The following CCDC171 variants were observed in gnomAD, a reference collection of about 807,000 sequenced individuals.
CCDC171 encodes coiled-coil domain containing 171.
Under a neutral mutation model 168.2 loss-of-function variants are expected in CCDC171, and 177 were observed. The ratio of observed to expected loss-of-function variants is 1.05; its 90% CI spans 0.93 to 1.19. The LOEUF (loss-of-function observed/expected upper bound fraction) is 1.19, where lower values mean the gene tolerates loss of function less well. CCDC171 is among the 50% of genes most tolerant of loss of function. The probability of loss-of-function intolerance (pLI) is 0.00; values close to 1 mark genes in which losing one functional copy is unlikely to be tolerated. For synonymous variants in CCDC171, 687 were observed against 540.8 expected, an observed-to-expected ratio of 1.27 and a Z score of -3.75; for missense variants, 1,991 against 1,539.0, an observed-to-expected ratio of 1.29 and a Z score of -4.91.
chr9:15,848,432 G>T (rs1416419047), intron 22 of CCDC171, among the ~76,000 whole-genome samples: 5 of 151,778 alleles, frequency 3.3e-5, no homozygotes, highest in Non-Finnish European at 7.4e-5. Context: ...AGCATAAAAA[G>T]AATGTGTGGA....
rs756042159 is a variant in CCDC171, at chr9:15,725,000, G to T, written c.1692+24G>T. The T allele has an allele frequency of 3.2e-6, 5 of 1,543,846 alleles. No individual in the cohort carries two copies. In the Admixed American group the frequency reaches 5.0e-5, roughly 16 times the overall value. On this transcript the variant is annotated intron_variant, in intron 14 of 25. Transcript: ENST00000380701. ...AGGTATTACCTGAGACTCAATGACT[G>T]TCAGGAAGGGCCTTTCACTAATCTC...
chr9:16,070,296 G>A, the CCDC171 span, among the ~76,000 whole-genome samples: 1 of 152,192 alleles, frequency 6.6e-6, no homozygotes, highest in East Asian at 1.9e-4. Context: ...TACTGGTCCT[G>A]CCTCGGCAAA....
At chr9:15,637,731 G>C (rs987882257) in intron 7 of CCDC171, among the ~76,000 whole-genome samples, 2 of 149,764 alleles carry the variant, frequency 1.3e-5, no homozygotes, top group African/African-American at 2.5e-5. Flanking sequence ...TTGGTTTTCT[G>C]TCCTTGCGAT....
At chr9:15,915,448 T>C (rs182338051) in intron 24 of CCDC171, among the ~76,000 whole-genome samples, 2 of 152,278 alleles carry the variant, frequency 1.3e-5, no homozygotes, top group Non-Finnish European at 2.9e-5. Context: ...GAAATGCTGC[T>C]GATTTGTGTA....
rs996856808 is a variant in CCDC171, at chr9:15,868,826, A to G, written c.3469-5706A>G. 5.3e-5 allele frequency among the ~76,000 whole-genome samples: 8 copies of G among 152,084 alleles called. No individual in the cohort carries two copies. The East Asian group carries it at 1.6e-3, about 30-fold the overall frequency. On this transcript the variant is annotated intron_variant, in intron 23 of 25. Transcript: ENST00000380701. ...TTTCACAAGGTGGGTAACAGAATCA[A>G]GTGACGTAGTATGGAGAGTACGGTT...
At chr9:15,636,645 A>T (rs1015941496) in intron 7 of CCDC171, among the ~76,000 whole-genome samples, 1 of 145,814 alleles carries the variant, frequency 6.9e-6, no homozygotes, top group Non-Finnish European at 1.5e-5. Flanking sequence ...GCTGCTTGGG[A>T]GGCTGAGGTG....
chr9:15,576,133 T>TTG (rs202239015), intron 3 of CCDC171, among the ~76,000 whole-genome samples: 4,281 of 145,452 alleles, frequency 0.029, 75 homozygotes, highest in East Asian at 0.046. Flanking sequence ...CATATTTCAG[T>TTG]TGTGTGTGTG....
chr9:15,906,597 C>G (rs532885490), intron 24 of CCDC171, among the ~76,000 whole-genome samples: 1 of 152,272 alleles, frequency 6.6e-6, no homozygotes, highest in Admixed American at 6.5e-5. Context: ...GAAGCATTCC[C>G]TCTGAAAACT....
intron 25 of CCDC171, among the ~76,000 whole-genome samples, chr9:15,941,495 G>T (rs1394182495): frequency 6.6e-6 from 1 of 151,654 alleles, no homozygotes; most frequent in Non-Finnish European, 1.5e-5. Context: ...TGATAATAAG[G>T]AATCTTAAAA....
chr9:15,988,573 G>C (rs1184980278), intron 3 of CCDC171, among the ~76,000 whole-genome samples: 1 of 152,158 alleles, frequency 6.6e-6, no homozygotes, highest in South Asian at 2.1e-4. Context: ...GTCAGACAGT[G>C]GGGGTAGGAC....
chr9:15,627,811 A>G (rs1468154810), intron 7 of CCDC171, among the ~76,000 whole-genome samples: 1 of 152,136 alleles, frequency 6.6e-6, no homozygotes, highest in Non-Finnish European at 1.5e-5. Context: ...TTGCATGGAG[A>G]GTACCGTAGA....
intron 18 of CCDC171, among the ~76,000 whole-genome samples, chr9:15,775,359 T>C (rs1406892459): frequency 2.6e-5 from 4 of 152,216 alleles, no homozygotes; most frequent in Non-Finnish European, 4.4e-5. Context: ...CTTATTTGTT[T>C]GTTTATTTAT....
chr9:15,616,492 A>G (rs2044094881), intron 6 of CCDC171, among the ~76,000 whole-genome samples: 2 of 152,020 alleles, frequency 1.3e-5, no homozygotes, highest in Admixed American at 1.3e-4. Context: ...TCGATCAACT[A>G]GGATATAAGC....
intron 16 of CCDC171, among the ~76,000 whole-genome samples, chr9:15,739,708 A>AACTTT (rs2054724636): frequency 6.6e-6 from 1 of 151,978 alleles, no homozygotes; most frequent in South Asian, 2.1e-4. Flanking sequence ...GTGAATTGGA[A>AACTTT]ACTTTGAGAC....
the CCDC171 span, among the ~76,000 whole-genome samples, chr9:16,100,414 TG>T: frequency 6.6e-6 from 1 of 151,868 alleles, no homozygotes; most frequent in Non-Finnish European, 1.5e-5. Flanking sequence ...GGATAAAGGG[TG>T]GGGGGTCTGG....
chr9:15,872,759 G>A (rs1183396174), intron 23 of CCDC171, among the ~76,000 whole-genome samples: 1 of 151,914 alleles, frequency 6.6e-6, no homozygotes, highest in Non-Finnish European at 1.5e-5. Context: ...AAGGGTAGAA[G>A]GCAAAACACT....
intron 25 of CCDC171, among the ~76,000 whole-genome samples, chr9:15,947,244 T>G (rs552611604): frequency 3.3e-5 from 5 of 152,108 alleles, no homozygotes; most frequent in South Asian, 2.1e-4. Flanking sequence ...TCATAGACGT[T>G]AAAAACTTAT....
chr9:15,781,425 C>T (rs1458579257), intron 20 of CCDC171, among the ~76,000 whole-genome samples: 2 of 151,942 alleles, frequency 1.3e-5, no homozygotes, highest in African/African-American at 4.8e-5. Context: ...CTTTATTTTA[C>T]CTTATTTTTT....
At chr9:16,001,454 C>T (rs898109756) in intron 3 of CCDC171, among the ~76,000 whole-genome samples, 6 of 151,568 alleles carry the variant, frequency 4.0e-5, no homozygotes, top group African/African-American at 7.3e-5. Context: ...TAAGTATTTA[C>T]GGTAGGGTGT....
Sources: allele counts gnomAD v4.1 joint callset (sites outside exome capture counted in the v4.1 genomes callset), GRCh38; gene constraint gnomAD v4.1.1; transcripts MANE v1.5; gene names NCBI Gene and HGNC (gene_info 2026-07-23, HGNC 2026-07-21).